Variants in SEZ6L observed in about 807,000 individuals in gnomAD.
The protein encoded by SEZ6L is seizure related 6 homolog like.
Under a neutral mutation model 106.2 loss-of-function variants are expected in SEZ6L, and 37 were observed. The ratio of observed to expected loss-of-function variants is 0.35; its 90% CI spans 0.27 to 0.46. The LOEUF is 0.46. SEZ6L is among the 20% of genes least tolerant of loss of function. The probability of loss-of-function intolerance (pLI) is 1.00; values close to 1 mark genes in which losing one functional copy is unlikely to be tolerated. For synonymous variants in SEZ6L, 541 were observed against 570.4 expected, an observed-to-expected ratio of 0.95 and a Z score of 0.73; for missense variants, 1,172 against 1,332.8, an observed-to-expected ratio of 0.88 and a Z score of 1.88.
intron 1 of SEZ6L, among the ~76,000 whole-genome samples, chr22:26,219,940 C>A (rs1330126967): frequency 2.0e-5 from 3 of 152,164 alleles, no homozygotes; most frequent in African/African-American, 7.2e-5. Context: ...GCACATGTAT[C>A]CTGGAACTTA....
chr22:26,222,638 G>C (rs1201406532), intron 1 of SEZ6L, among the ~76,000 whole-genome samples: 1 of 152,178 alleles, frequency 6.6e-6, no homozygotes, highest in African/African-American at 2.4e-5. Flanking sequence ...AAATCCTCTG[G>C]TGTATAAGAC....
intron 9 of SEZ6L, among the ~76,000 whole-genome samples, chr22:26,331,589 G>C (rs1317795365): frequency 1.3e-5 from 2 of 152,122 alleles, no homozygotes; most frequent in Non-Finnish European, 2.9e-5. Flanking sequence ...TGATTTTATT[G>C]CAAACTCTGT....
At chr22:26,212,770 G>A (rs2078197906) in intron 1 of SEZ6L, among the ~76,000 whole-genome samples, 1 of 152,132 alleles carries the variant, frequency 6.6e-6, no homozygotes, top group Admixed American at 6.5e-5. Flanking sequence ...AAAGAAGGAT[G>A]GCACAGTGGG....
rs139732197 is a variant in SEZ6L, at chr22:26,347,027, T to C, written c.2213-692T>C. Among the ~76,000 whole-genome samples, 317 of 149,232 alleles carry C rather than the reference T, an allele frequency of 2.1e-3. 2 individuals carry two copies. Among genetic ancestry groups the C allele is most frequent in the African/African-American group, 7.3e-3 (294 of 40,320 alleles). The stretch of plus-strand genomic sequence containing the variant: ...CAGGCAACATACAAGAGCTCATCTC[T>C]ACAGAAAAAAAAAAAAAATTAGCCA... On this transcript the variant is annotated intron_variant, in intron 10 of 16. Coordinates refer to ENST00000248933, the MANE Select transcript of SEZ6L (RefSeq NM_021115.5).
intron 1 of SEZ6L, among the ~76,000 whole-genome samples, chr22:26,283,199 C>T (rs188262408): frequency 1.3e-5 from 2 of 152,224 alleles, no homozygotes; most frequent in Admixed American, 6.5e-5. Flanking sequence ...GGATTACAGG[C>T]GTGAGCCACT....
chr22:26,302,344 C>T (rs978946118), intron 5 of SEZ6L, among the ~76,000 whole-genome samples: 2 of 152,280 alleles, frequency 1.3e-5, no homozygotes, highest in South Asian at 2.1e-4. Context: ...TGGTTTGTAA[C>T]GCACTGTCCC....
chr22:26,229,864 GC>G (rs1355812325), intron 1 of SEZ6L, among the ~76,000 whole-genome samples: 2 of 152,190 alleles, frequency 1.3e-5, no homozygotes, highest in Non-Finnish European at 2.9e-5. Context: ...GTTAACAAAT[GC>G]CCCCTGCTCT....
At chr22:26,283,410 CTA>C (rs1238609121) in intron 1 of SEZ6L, among the ~76,000 whole-genome samples, 9 of 152,202 alleles carry the variant, frequency 5.9e-5, no homozygotes, top group South Asian at 4.1e-4. Flanking sequence ...AGTAAAGTGA[CTA>C]TGTGTGTTCT....
rs148732336 is a variant in SEZ6L at position 26,331,075 on chromosome 22, A to G, written c.2016-9361A>G. ...TCTCCGGAATATTGACTCTAGCTCAATAGTTACCAACCTCACCTACCACCT... is the reference window on the plus strand; with the variant it reads ...TCTCCGGAATATTGACTCTAGCTCAGTAGTTACCAACCTCACCTACCACCT... On this transcript the variant is annotated intron_variant, in intron 9 of 16. Coordinates refer to ENST00000248933, the MANE Select transcript of SEZ6L (RefSeq NM_021115.5). 1.9e-3 allele frequency among the ~76,000 whole-genome samples: 293 copies of G among 152,330 alleles called. 1 individual carries two copies. Among genetic ancestry groups the G allele is most frequent in the African/African-American group, 6.8e-3 (282 of 41,574 alleles).
rs1283846316 is a variant in SEZ6L at position 26,292,843 on chromosome 22, G to A, written c.532G>A (p.Glu178Lys). 5 of 1,614,132 alleles carry A rather than the reference G, an allele frequency of 3.1e-6. No homozygotes were observed. The South Asian group carries it at 5.5e-5, about 18-fold the overall frequency. Residue 178 changes from glutamate (E) to lysine (K), a missense_variant, in exon 2 of 17, where the codon GAG becomes AAG. By Grantham distance (56) the Glu-to-Lys change is moderately conservative. Transcript: ENST00000248933. Reference protein sequence around the residue: ...GDPDPIVASEEASEVPLWLDR... With the variant: ...GDPDPIVASEKASEVPLWLDR... ...CCCGGACCCCATCGTGGCCTCCGAGGAGGCATCAGAAGTGCCCCTTTGGCT... is the reference window on the plus strand; with the variant it reads ...CCCGGACCCCATCGTGGCCTCCGAGAAGGCATCAGAAGTGCCCCTTTGGCT...
At chr22:26,240,678 C>T (rs1045781385) in intron 1 of SEZ6L, among the ~76,000 whole-genome samples, 10 of 152,188 alleles carry the variant, frequency 6.6e-5, no homozygotes, top group African/African-American at 1.9e-4. Context: ...GGAGCACCTA[C>T]TGTGTGCCAG....
intron 5 of SEZ6L, among the ~76,000 whole-genome samples, chr22:26,299,876 T>C (rs1222744783): frequency 6.6e-6 from 1 of 152,242 alleles, no homozygotes; most frequent in African/African-American, 2.4e-5. Context: ...GGTCATTGTA[T>C]GTATAACTTT....
intron 1 of SEZ6L, among the ~76,000 whole-genome samples, chr22:26,261,088 T>TA (rs1569427315): frequency 6.6e-6 from 1 of 152,124 alleles, no homozygotes; most frequent in Non-Finnish European, 1.5e-5. Context: ...TTATTTGTTT[T>TA]TTTCTTGCTA....
chr22:26,236,719 A>G (rs878891101), intron 1 of SEZ6L, among the ~76,000 whole-genome samples: 1 of 152,192 alleles, frequency 6.6e-6, no homozygotes, highest in Non-Finnish European at 1.5e-5. Context: ...TGGAGATTCT[A>G]CTTAGCAAAA....
chr22:26,368,840 A>G lies in SEZ6L; in HGVS notation c.2794+3274A>G, dbSNP rs1227634216. On this transcript the variant is annotated intron_variant, in intron 13 of 16. Transcript: ENST00000248933. ...ATCTTACCTGTTTTACAGATGTGGA[A>G]GGAGAAGCTCAGAGAAGTTAAGTGA... 1.2e-4 allele frequency among the ~76,000 whole-genome samples: 18 copies of G among 152,146 alleles called. 1 individual carries two copies. Among genetic ancestry groups the G allele is most frequent in the Admixed American group, 1.2e-3 (18 of 15,274 alleles).
At chr22:26,304,564 T>C (rs1569454587) in intron 5 of SEZ6L, among the ~76,000 whole-genome samples, 1 of 152,192 alleles carries the variant, frequency 6.6e-6, no homozygotes, top group African/African-American at 2.4e-5. Flanking sequence ...GAAAGTGTTC[T>C]TTCCAGTGCA....
chr22:26,271,331 A>G (rs961533068), intron 1 of SEZ6L, among the ~76,000 whole-genome samples: 1 of 152,228 alleles, frequency 6.6e-6, no homozygotes, highest in Non-Finnish European at 1.5e-5. Context: ...ATTAAATACA[A>G]AAGTACCATA....
At chr22:26,308,952 T>G (rs913884409) in intron 6 of SEZ6L, among the ~76,000 whole-genome samples, 1 of 152,220 alleles carries the variant, frequency 6.6e-6, no homozygotes, top group Non-Finnish European at 1.5e-5. Flanking sequence ...ACTATGTAGA[T>G]GCCCCTTCCC....
At chr22:26,219,334 GA>G (rs1165533650) in intron 1 of SEZ6L, among the ~76,000 whole-genome samples, 3 of 140,554 alleles carry the variant, frequency 2.1e-5, no homozygotes. Flanking sequence ...TGACAAAAAT[GA>G]ACAAGATTGG....
Sources: allele counts gnomAD v4.1 joint callset (sites outside exome capture counted in the v4.1 genomes callset), GRCh38; gene constraint gnomAD v4.1.1; transcripts MANE v1.5; gene names NCBI Gene and HGNC (gene_info 2026-07-23, HGNC 2026-07-21).